Variants in EIF3B observed in about 807,000 individuals in gnomAD.
The protein encoded by EIF3B is eukaryotic translation initiation factor 3 subunit 9.
EIF3B carries 10 observed loss-of-function variants against 104.6 expected under a neutral mutation model. The observed-to-expected ratio is 0.10, with a 90% CI of 0.06 to 0.16. The LOEUF is 0.16. Ranked by LOEUF, EIF3B falls within the 10% of genes least tolerant of loss-of-function variation. The pLI is 1.00. For synonymous variants in EIF3B, 542 were observed against 417.2 expected (o/e 1.30, Z -3.65); for missense variants, 1,014 against 1,087.9 (o/e 0.93, Z 0.96).
intron 1 of EIF3B, among the ~76,000 whole-genome samples, chr7:2,360,332 G>C (rs1287367559): frequency 6.6e-6 from 1 of 152,248 alleles, no homozygotes; most frequent in Non-Finnish European, 1.5e-5. Context: ...CTGCCTAGAT[G>C]TTGCAACAAA....
At chr7:2,366,173 G>A (rs1057256725) in intron 6 of EIF3B, 144 bp from the exon 7 acceptor site, 18 of 780,846 alleles carry the variant, frequency 2.3e-5, no homozygotes, top group African/African-American at 7.0e-5. Context: ...TCCCGCTTCC[G>A]CTTGGGTCTC....
chr7:2,366,492 A>T, intron 7 of EIF3B, 33 bp from the exon 8 acceptor site: 1 of 1,614,092 alleles, frequency 6.2e-7, no homozygotes, highest in East Asian at 2.2e-5. Flanking sequence ...TTGTCTTTTC[A>T]TGGGAATACC....
Position 2,354,866 on chromosome 7 carries a change from G to A in EIF3B, c.-56G>A. On this transcript the variant is annotated 5_prime_UTR_variant, in exon 1 of 19. Coordinates refer to ENST00000360876, the MANE Select transcript of EIF3B (RefSeq NM_001037283.2). ...GCCGTCGCGGCGCGCGGTGCGGCCT[G>A]GGAGAGTCGGAAGCGCGGCGGCCGC... is the stretch of plus-strand genomic sequence containing the variant. 9.0e-7 allele frequency: 1 copy of A among 1,112,682 alleles called. No individual in the cohort carries two copies. Among genetic ancestry groups the A allele is most frequent in the Non-Finnish European group, 1.1e-6 (1 of 913,306 alleles). 68.9% of individuals were successfully genotyped at this position (1,112,682 alleles called of 1,614,324 possible).
At chr7:2,354,614 C>G (rs1317126767), upstream of EIF3B, among the ~76,000 whole-genome samples, 1 of 152,214 alleles carries the variant, frequency 6.6e-6, no homozygotes, top group Non-Finnish European at 1.5e-5. Context: ...TGCTGCCACA[C>G]ATGGGGTGGT....
Position 2,378,672 on chromosome 7 carries a change from T to A in EIF3B, c.2155-17T>A, listed in dbSNP as rs767250222. On this transcript the variant is annotated splice_polypyrimidine_tract_variant and intron_variant, in intron 15 of 18. Coordinates refer to ENST00000360876, the MANE Select transcript of EIF3B (RefSeq NM_001037283.2). ...GCTTTGAATGTTAAATCCTGAGTGA[T>A]GGGTCTTTTGTTTCAGCAAATTAAA... 2 of 1,608,452 alleles carry A rather than the reference T, an allele frequency of 1.2e-6. No homozygotes were observed. The highest frequency in any genetic ancestry group is 8.5e-7 in the Non-Finnish European group (1 of 1,174,958).
chr7:2,372,935 G>C, intron 12 of EIF3B, 140 bp downstream of exon 12: 3 of 878,536 alleles, frequency 3.4e-6, no homozygotes, highest in African/African-American at 1.7e-5. Context: ...GTGTGGCCTC[G>C]GCTGATGGAA....
At chr7:2,354,539 A>T (rs1163692698), upstream of EIF3B, among the ~76,000 whole-genome samples, 1 of 152,160 alleles carries the variant, frequency 6.6e-6, no homozygotes, top group Admixed American at 6.5e-5. Flanking sequence ...CAAATAGTTC[A>T]GTCCCGCCCC....
At position 2,355,269 on chromosome 7, in the gene EIF3B, C is replaced by G; in HGVS notation, c.348C>G (p.Arg116=). ...CAGGAGAGCAGGCTCGGGACGAGCGCTCCGACAGCCGGGCCCAGGCGGTGT... is the reference window on the plus strand; with the variant it reads ...CAGGAGAGCAGGCTCGGGACGAGCGGTCCGACAGCCGGGCCCAGGCGGTGT... ...EAPGEQARDE[R]SDSRAQAVSE... Residue 116 remains arginine, a synonymous_variant, in exon 1 of 19, where the codon CGC becomes CGG. Transcript: ENST00000360876. 1 of 1,532,238 alleles carries G rather than the reference C, an allele frequency of 6.5e-7. No individual in the cohort carries two copies. Among genetic ancestry groups the G allele is most frequent in the East Asian group, 2.5e-5 (1 of 40,676 alleles). The allele number at this position is 1,532,238 out of a possible 1,614,324, so 94.9% of individuals were successfully genotyped here.
chr7:2,356,067 T>A (rs189780120), intron 1 of EIF3B, among the ~76,000 whole-genome samples: 1 of 152,354 alleles, frequency 6.6e-6, no homozygotes, highest in Non-Finnish European at 1.5e-5. Context: ...TTTACAGGCA[T>A]ATTTTTGCTT....
chr7:2,370,955 C>A (rs1028814762), intron 10 of EIF3B, among the ~76,000 whole-genome samples: 1 of 152,000 alleles, frequency 6.6e-6, no homozygotes, highest in African/African-American at 2.4e-5. Context: ...CCCAGCTACT[C>A]GGGAGGCTGA....
chr7:2,360,966 C>A (rs1384369316), intron 2 of EIF3B, 64 bp downstream of exon 2: 1 of 1,375,462 alleles, frequency 7.3e-7, no homozygotes, highest in Non-Finnish European at 1.0e-6. Flanking sequence ...GGGAGTGTTG[C>A]AGGAGATCCT....
Position 2,372,666 on chromosome 7 carries a change from A to T in EIF3B, c.1688-7A>T, listed in dbSNP as rs1284702005. 1 of 1,613,484 alleles carries T rather than the reference A, an allele frequency of 6.2e-7. No homozygotes were observed. The highest frequency in any genetic ancestry group is 8.5e-7 in the Non-Finnish European group (1 of 1,179,662). On this transcript the variant is annotated splice_region_variant and splice_polypyrimidine_tract_variant and intron_variant, in intron 11 of 18. Transcript: ENST00000360876. ...AAAAAGGGAGGGGTCTGTTTTGTGCATTTTAGAAACCATCATAGCCTTTGC... is the reference window on the plus strand; with the variant it reads ...AAAAAGGGAGGGGTCTGTTTTGTGCTTTTTAGAAACCATCATAGCCTTTGC...
intron 11 of EIF3B, 50 bp downstream of exon 11, chr7:2,371,899 T>G (rs772238533): frequency 6.8e-7 from 1 of 1,469,426 alleles, no homozygotes; most frequent in Non-Finnish European, 9.5e-7. Flanking sequence ...ACGTGCTGTT[T>G]TACTCTTGGC....
chr7:2,358,829 G>A (rs1053463228), intron 1 of EIF3B, among the ~76,000 whole-genome samples: 4 of 152,152 alleles, frequency 2.6e-5, no homozygotes, highest in African/African-American at 7.2e-5. Flanking sequence ...GAGCCTGGCC[G>A]TGTTCTAAAT....
intron 1 of EIF3B, among the ~76,000 whole-genome samples, chr7:2,356,115 G>A (rs1392036222): frequency 6.6e-6 from 1 of 152,124 alleles, no homozygotes; most frequent in Non-Finnish European, 1.5e-5. Flanking sequence ...TACTTCTGAT[G>A]AGAGCTGGTC....
At position 2,379,260 on chromosome 7, in the gene EIF3B, C is replaced by G. The variant is rs1213503917; in HGVS notation, c.2341+18C>G. 20 of 1,603,556 alleles carry G rather than the reference C, an allele frequency of 1.2e-5. No individual in the cohort carries two copies. Among genetic ancestry groups the G allele is most frequent in the Non-Finnish European group, 1.6e-5 (19 of 1,173,734 alleles). ...GCGAGGAGGTAACTTAGAGATCCCT[C>G]AGTCCCCAGGAGCTGGCCCTTACGC... On this transcript the variant is annotated intron_variant, in intron 17 of 18. Transcript: ENST00000360876.
intron 14 of EIF3B, 135 bp downstream of exon 14, chr7:2,375,662 G>A (rs757367060): frequency 3.0e-6 from 4 of 1,312,880 alleles, no homozygotes; most frequent in Non-Finnish European, 4.2e-6. Context: ...CTTGGCTGGT[G>A]TTAGTGGCAG....
At chr7:2,375,762 C>T (rs1330086517) in intron 14 of EIF3B, among the ~76,000 whole-genome samples, 1 of 152,188 alleles carries the variant, frequency 6.6e-6, no homozygotes, top group African/African-American at 2.4e-5. Flanking sequence ...GGGTCTTACC[C>T]TGGGCCCAGG....
intron 10 of EIF3B, among the ~76,000 whole-genome samples, chr7:2,371,536 G>A (rs1780339883): frequency 1.3e-5 from 2 of 152,138 alleles, no homozygotes. Flanking sequence ...CCTGGAGGTG[G>A]GATCTGGGTC....
Sources: gnomAD v4.1 joint callset for allele counts (sites outside exome capture counted in the v4.1 genomes callset) on GRCh38, gnomAD v4.1.1 for gene constraint, MANE v1.5 for transcripts, NCBI Gene and HGNC (gene_info 2026-07-23, HGNC 2026-07-21) for gene names.